The following MRTFA variants were observed in gnomAD, a reference collection of about 807,000 sequenced individuals.
MRTFA encodes myocardin-related transcription factor A.
MRTFA carries 20 observed loss-of-function variants against 83.5 expected under a neutral mutation model. The observed-to-expected ratio is 0.24, with a 90% CI of 0.17 to 0.35. MRTFA has a LOEUF of 0.35. MRTFA is among the 10% of genes least tolerant of loss of function. The probability of loss-of-function intolerance (pLI) is 1.00; values close to 1 mark genes in which losing one functional copy is unlikely to be tolerated. For synonymous variants in MRTFA, 659 were observed against 541.2 expected, an observed-to-expected ratio of 1.22 and a Z score of -3.02; for missense variants, 1,200 against 1,224.7, an observed-to-expected ratio of 0.98 and a Z score of 0.30.
intron 2 of MRTFA, among the ~76,000 whole-genome samples, chr22:40,563,294 A>G (rs1272287350): frequency 6.6e-6 from 1 of 152,134 alleles, no homozygotes; most frequent in Non-Finnish European, 1.5e-5. Context: ...GATTGCTTTT[A>G]TCACTGCTTA....
chr22:40,482,465 C>G (rs935018714), intron 3 of MRTFA, among the ~76,000 whole-genome samples: 1 of 152,140 alleles, frequency 6.6e-6, no homozygotes, highest in Non-Finnish European at 1.5e-5. Flanking sequence ...TGTCATCAGT[C>G]TCTTTCCTGA....
intron 3 of MRTFA, among the ~76,000 whole-genome samples, chr22:40,472,997 G>A (rs1002831359): frequency 2.0e-5 from 3 of 152,064 alleles, no homozygotes; most frequent in African/African-American, 7.2e-5. Flanking sequence ...GTTTGTCAAG[G>A]GGAAGAAAAT....
intron 1 of MRTFA, among the ~76,000 whole-genome samples, chr22:40,623,258 C>T (rs1042672645): frequency 3.3e-5 from 5 of 152,090 alleles, no homozygotes; most frequent in African/African-American, 1.2e-4. Context: ...CTTTAATAGA[C>T]CAAAGTTATG....
chr22:40,604,334 C>G (rs2056294279), intron 1 of MRTFA, among the ~76,000 whole-genome samples: 2 of 151,770 alleles, frequency 1.3e-5, no homozygotes, highest in Non-Finnish European at 2.9e-5. Context: ...GTTTCACTGT[C>G]TTAGCCAGGA....
At chr22:40,575,365 T>C (rs2055852659) in intron 2 of MRTFA, among the ~76,000 whole-genome samples, 1 of 152,222 alleles carries the variant, frequency 6.6e-6, no homozygotes, top group East Asian at 1.9e-4. Flanking sequence ...AGATAAAATA[T>C]AAATGCTAGA....
chr22:40,558,361 C>T (rs1412692771), intron 2 of MRTFA, among the ~76,000 whole-genome samples: 1 of 147,784 alleles, frequency 6.8e-6, no homozygotes, highest in Admixed American at 6.9e-5. Context: ...CCTACCTAAA[C>T]CTTCCAAAGT....
At chr22:40,414,346 AAAAAGAAG>A (rs1290361749) in intron 14 of MRTFA, among the ~76,000 whole-genome samples, 1 of 152,168 alleles carries the variant, frequency 6.6e-6, no homozygotes, top group Non-Finnish European at 1.5e-5. Flanking sequence ...CCAAGGAAAA[AAAAAGAAG>A]AAATTACCAT....
intron 3 of MRTFA, among the ~76,000 whole-genome samples, chr22:40,485,017 A>AGAG (rs2054152326): frequency 6.6e-6 from 1 of 151,808 alleles, no homozygotes; most frequent in Non-Finnish European, 1.5e-5. Context: ...GGTTGCAGTG[A>AGAG]GAGGAGATTG....
intron 3 of MRTFA, among the ~76,000 whole-genome samples, chr22:40,530,859 A>T (rs2147275493): frequency 6.6e-6 from 1 of 152,352 alleles, no homozygotes; most frequent in East Asian, 1.9e-4. Flanking sequence ...TAATATAAGA[A>T]CAGATCTCAA....
rs547764504 is a variant in MRTFA, at chr22:40,605,203, A to G, written c.-83-10468T>C. 4.6e-5 allele frequency among the ~76,000 whole-genome samples: 7 copies of G among 152,352 alleles called. No individual in the cohort carries two copies. The South Asian group carries it at 1.4e-3, about 32-fold the overall frequency. ...CATATGCTAACATACTAGACAAAAAAGATAAAACATGGTCTCTGCTCTGAT... is the reference window on the plus strand; with the variant it reads ...CATATGCTAACATACTAGACAAAAAGGATAAAACATGGTCTCTGCTCTGAT... On this transcript the variant is annotated intron_variant, in intron 1 of 14. Coordinates refer to ENST00000355630, the MANE Select transcript of MRTFA (RefSeq NM_020831.6).
intron 2 of MRTFA, among the ~76,000 whole-genome samples, chr22:40,569,093 TAAG>T (rs2055746793): frequency 1.3e-5 from 2 of 152,136 alleles, no homozygotes; most frequent in Middle Eastern, 3.4e-3. Context: ...AGACTATCAA[TAAG>T]AAGCAGAAAA....
intron 4 of MRTFA, among the ~76,000 whole-genome samples, chr22:40,462,875 T>C (rs1338266280): frequency 1.3e-5 from 2 of 152,154 alleles, no homozygotes; most frequent in South Asian, 2.1e-4. Flanking sequence ...TTCCTCACAA[T>C]ACACCAGGCT....
Position 40,417,690 on chromosome 22 carries a change from C to T in MRTFA, c.2365-197G>A, listed in dbSNP as rs976677826. 7 of 573,252 alleles carry T rather than the reference C, an allele frequency of 1.2e-5. No individual in the cohort carries two copies. In the African/African-American group the frequency reaches 1.3e-4, roughly 11 times the overall value. 35.5% of individuals were successfully genotyped at this position (573,252 alleles called of 1,614,324 possible). A position where few individuals can be genotyped will look rare whatever the true frequency, so the allele number is the denominator to read the frequency against. On this transcript the variant is annotated intron_variant, in intron 12 of 14. Transcript: ENST00000355630. ...ACAGGATGGGGGGCCCTCAACCCTGCAGGGGGTGCCTGGCCCCTTGAGGTT... is the reference window on the plus strand; with the variant it reads ...ACAGGATGGGGGGCCCTCAACCCTGTAGGGGGTGCCTGGCCCCTTGAGGTT...
intron 3 of MRTFA, among the ~76,000 whole-genome samples, chr22:40,486,423 GCTGGTGA>G (rs1439077033): frequency 6.6e-6 from 1 of 152,136 alleles, no homozygotes; most frequent in Non-Finnish European, 1.5e-5. Context: ...AAAGTTCCAG[GCTGGTGA>G]CTGGTCTCAA....
Position 40,537,968 on chromosome 22 carries a change from C to G in MRTFA, c.241+14138G>C, listed in dbSNP as rs1462568765. Among the ~76,000 whole-genome samples the G allele has an allele frequency of 5.9e-4, 17 of 29,054 alleles. 1 individual carries two copies. Among genetic ancestry groups the G allele is most frequent in the African/African-American group, 2.5e-3 (16 of 6,360 alleles). The allele number at this position is 29,054 out of a possible 152,430, so 19.1% of individuals were successfully genotyped here. On this transcript the variant is annotated intron_variant, in intron 3 of 14. Transcript: ENST00000355630. ...TGGGGGGGTCAGCCCCCCGCCCGGC[C>G]AGCCGCCCCGTCCGGGAGGTGAGGG... is the stretch of plus-strand genomic sequence containing the variant.
At chr22:40,561,109 A>G (rs1368575205) in intron 2 of MRTFA, among the ~76,000 whole-genome samples, 1 of 147,956 alleles carries the variant, frequency 6.8e-6, no homozygotes. Context: ...TTTATTTTCA[A>G]TGCAGTAAAC....
chr22:40,422,391 AG>A (rs2052859783), intron 9 of MRTFA, among the ~76,000 whole-genome samples: 1 of 152,246 alleles, frequency 6.6e-6, no homozygotes, highest in Non-Finnish European at 1.5e-5. Context: ...TGGTAGGCAA[AG>A]GAAGGCAACA....
intron 4 of MRTFA, among the ~76,000 whole-genome samples, chr22:40,458,749 T>C (rs1444545327): frequency 6.6e-6 from 1 of 152,050 alleles, no homozygotes; most frequent in African/African-American, 2.4e-5. Context: ...TCCTAAGTTG[T>C]ACAACAAACT....
At chr22:40,519,297 A>G (rs2054818907) in intron 3 of MRTFA, among the ~76,000 whole-genome samples, 1 of 152,176 alleles carries the variant, frequency 6.6e-6, no homozygotes, top group Non-Finnish European at 1.5e-5. Flanking sequence ...ATTTGAGGAT[A>G]AAACTCAGGG....
Sources: allele counts gnomAD v4.1 joint callset (sites outside exome capture counted in the v4.1 genomes callset), GRCh38; gene constraint gnomAD v4.1.1; transcripts MANE v1.5; gene names NCBI Gene and HGNC (gene_info 2026-07-23, HGNC 2026-07-21).